The following ENY2 variants were observed in gnomAD, a reference collection of about 807,000 sequenced individuals.
ENY2 encodes the protein transcription and mRNA export factor ENY2.
In ENY2, 4 loss-of-function variants were observed where a neutral mutation model predicts 15.9. The ratio of observed to expected loss-of-function variants is 0.25; its 90% CI spans 0.12 to 0.57. ENY2 has a LOEUF of 0.57. ENY2 is among the 20% of genes least tolerant of loss of function. ENY2 has a pLI of 0.91. For synonymous variants in ENY2, 48 were observed against 38.0 expected (o/e 1.26, Z -0.97); for missense variants, 54 against 117.2 (o/e 0.46, Z 2.49).
intron 3 of ENY2, 200 bp downstream of exon 3, chr8:109,339,590 G>C (rs1034580266): frequency 8.4e-6 from 4 of 475,688 alleles, no homozygotes; most frequent in African/African-American, 6.0e-5. Flanking sequence ...TCTGTTAAGC[G>C]TGAGCACTTA....
At chr8:109,334,626 C>A in intron 1 of ENY2, 152 bp downstream of exon 1, 2 of 863,416 alleles carry the variant, frequency 2.3e-6, no homozygotes, top group South Asian at 1.8e-5. Context: ...TGAAACCAGT[C>A]CTCGCTTTGT....
At position 109,342,026 on chromosome 8, in the gene ENY2, A is replaced by G. The variant is rs193267914; in HGVS notation, c.230-1379A>G. Among the ~76,000 whole-genome samples, 202 of 152,284 alleles carry G rather than the reference A, an allele frequency of 1.3e-3. 1 individual carries two copies. Among genetic ancestry groups the G allele is most frequent in the African/African-American group, 4.8e-3 (199 of 41,572 alleles). On this transcript the variant is annotated intron_variant, in intron 4 of 4. Coordinates refer to ENST00000521688, the MANE Select transcript of ENY2 (RefSeq NM_020189.6). The stretch of plus-strand genomic sequence containing the variant: ...TAGTCTTGATTTGTAGGTTGGCTTA[A>G]ACTAAACAGTTTGTAAAGAAGAATA...
chr8:109,340,293 A>C, intron 3 of ENY2, 196 bp from the exon 4 acceptor site: 1 of 645,734 alleles, frequency 1.5e-6, no homozygotes, highest in Non-Finnish European at 2.5e-6. Context: ...TTTAGCTGAG[A>C]CTTACGAACA....
At chr8:109,335,901 G>A (rs1030439617) in intron 1 of ENY2, 9 of 352,218 alleles carry the variant, frequency 2.6e-5, no homozygotes, top group East Asian at 8.7e-5. Context: ...GTAACAATAC[G>A]TTCTGGGAAT....
chr8:109,337,218 C>A (rs1203948658), intron 2 of ENY2, among the ~76,000 whole-genome samples: 1 of 151,826 alleles, frequency 6.6e-6, no homozygotes, highest in East Asian at 1.9e-4. Context: ...TGGAAAACTC[C>A]AAAAATTGGA....
chr8:109,341,874 A>C (rs529388838), intron 4 of ENY2, among the ~76,000 whole-genome samples: 1 of 152,252 alleles, frequency 6.6e-6, no homozygotes, highest in East Asian at 1.9e-4. Context: ...CCCTCATGGT[A>C]TTCCTTTATA....
chr8:109,336,844 A>G (rs906098045), intron 2 of ENY2, among the ~76,000 whole-genome samples: 2 of 152,176 alleles, frequency 1.3e-5, no homozygotes, highest in African/African-American at 4.8e-5. Context: ...TTGCAGAATC[A>G]ACAGGTTTAG....
At chr8:109,342,915 A>G (rs146373677) in intron 4 of ENY2, 57 of 499,736 alleles carry the variant, frequency 1.1e-4, no homozygotes, top group African/African-American at 6.7e-4. Flanking sequence ...TTTATGTTCA[A>G]AAACTCTCCT....
Position 109,334,378 on chromosome 8 carries a change from T to C in ENY2, c.-91T>C. On this transcript the variant is annotated 5_prime_UTR_variant, in exon 1 of 5. Transcript: ENST00000521688. ...TTAGGTGCCCGAGCTACTGAGGGTC[T>C]AAGTCCGGGCAGCCGAAGAGTGTGG... 1 of 1,589,408 alleles carries C rather than the reference T, an allele frequency of 6.3e-7. No individual in the cohort carries two copies. Among genetic ancestry groups the C allele is most frequent in the Non-Finnish European group, 8.6e-7 (1 of 1,161,978 alleles).
Position 109,334,362 on chromosome 8 carries a change from C to T in ENY2, c.-107C>T. 1 of 1,532,002 alleles carries T rather than the reference C, an allele frequency of 6.5e-7. No homozygotes were observed. Among genetic ancestry groups the T allele is most frequent in the Non-Finnish European group, 9.0e-7 (1 of 1,114,936 alleles). The allele number at this position is 1,532,002 out of a possible 1,614,324, so 94.9% of individuals were successfully genotyped here. ...CTAGCTTTCTGTGTGCTTAGGTGCC[C>T]GAGCTACTGAGGGTCTAAGTCCGGG... On this transcript the variant is annotated 5_prime_UTR_variant, in exon 1 of 5. Transcript: ENST00000521688.
chr8:109,336,880 C>T (rs893600820), intron 2 of ENY2, among the ~76,000 whole-genome samples: 2 of 151,928 alleles, frequency 1.3e-5, no homozygotes, highest in African/African-American at 4.8e-5. Context: ...GCTGAGGAAT[C>T]AAGAAAGGCT....
intron 3 of ENY2, 112 bp downstream of exon 3, chr8:109,339,502 AT>A: frequency 1.2e-6 from 1 of 852,760 alleles, no homozygotes; most frequent in Non-Finnish European, 1.8e-6. Context: ...TTAAACAAAT[AT>A]GGAATTTAAT....
intron 1 of ENY2, chr8:109,335,309 T>C (rs1347402272): frequency 6.6e-6 from 1 of 152,034 alleles, no homozygotes; most frequent in East Asian, 1.9e-4. Flanking sequence ...TAGTGAAGAG[T>C]AAAGCAAAAC....
At chr8:109,335,830 C>T in intron 1 of ENY2, 1 of 207,514 alleles carries the variant, frequency 4.8e-6, no homozygotes, top group Non-Finnish European at 9.6e-6. Context: ...TTTCCACTTT[C>T]TATCTCTGTG....
intron 3 of ENY2, 200 bp downstream of exon 3, chr8:109,339,590 G>A (rs1034580266): frequency 4.2e-6 from 2 of 475,804 alleles, no homozygotes; most frequent in Middle Eastern, 5.5e-4. Context: ...TCTGTTAAGC[G>A]TGAGCACTTA....
chr8:109,336,481 A>G (rs957700597), intron 2 of ENY2: 8 of 283,434 alleles, frequency 2.8e-5, no homozygotes, highest in Admixed American at 1.5e-4. Context: ...TGGAGACATA[A>G]TGTTACCTGG....
At chr8:109,334,898 C>A in intron 1 of ENY2, 1 of 167,942 alleles carries the variant, frequency 6.0e-6, no homozygotes, top group Non-Finnish European at 1.3e-5. Context: ...CAAAAGCAAG[C>A]ATTTCCTAGT....
chr8:109,342,163 C>CT (rs1563693040), intron 4 of ENY2, among the ~76,000 whole-genome samples: 1 of 148,972 alleles, frequency 6.7e-6, no homozygotes, highest in Non-Finnish European at 1.5e-5. Flanking sequence ...TTAACCCCCC[C>CT]CTTTTTTTTT....
Position 109,334,374 on chromosome 8 carries a change from G to A in ENY2, c.-95G>A, listed in dbSNP as rs563655896. The A allele has an allele frequency of 1.1e-5, 18 of 1,574,896 alleles. No homozygotes were observed. The African/African-American group carries it at 1.9e-4, about 16-fold the overall frequency. ...GTGCTTAGGTGCCCGAGCTACTGAGGGTCTAAGTCCGGGCAGCCGAAGAGT... is the reference window on the plus strand; with the variant it reads ...GTGCTTAGGTGCCCGAGCTACTGAGAGTCTAAGTCCGGGCAGCCGAAGAGT... On this transcript the variant is annotated 5_prime_UTR_variant, in exon 1 of 5. Transcript: ENST00000521688.
Sources: allele counts gnomAD v4.1 joint callset (sites outside exome capture counted in the v4.1 genomes callset), GRCh38; gene constraint gnomAD v4.1.1; transcripts MANE v1.5; gene names NCBI Gene and HGNC (gene_info 2026-07-23, HGNC 2026-07-21).